Variants in CSMD1 observed in about 807,000 individuals in gnomAD.
The protein encoded by CSMD1 is CUB and sushi domain-containing protein 1.
CSMD1 carries 213 observed loss-of-function variants against 417.5 expected under a neutral mutation model. The observed-to-expected ratio is 0.51, with a 90% CI of 0.46 to 0.57. The LOEUF (loss-of-function observed/expected upper bound fraction) is 0.57. Ranked by LOEUF, CSMD1 falls within the 20% of genes least tolerant of loss-of-function variation. The pLI is 0.00. For synonymous variants in CSMD1, 2,862 were observed against 1,736.8 expected, an observed-to-expected ratio of 1.65 and a Z score of -16.11; for missense variants, 6,923 against 4,529.7, an observed-to-expected ratio of 1.53 and a Z score of -15.17.
intron 7 of CSMD1, among the ~76,000 whole-genome samples, chr8:3,677,302 T>G (rs931967972): frequency 6.6e-6 from 1 of 152,186 alleles, no homozygotes; most frequent in Non-Finnish European, 1.5e-5. Context: ...TAATGATTGA[T>G]GTAACAAAAT....
intron 3 of CSMD1, among the ~76,000 whole-genome samples, chr8:4,192,485 C>G (rs1799086671): frequency 6.6e-6 from 1 of 152,046 alleles, no homozygotes; most frequent in African/African-American, 2.4e-5. Flanking sequence ...ATGTTGACCA[C>G]CACATAAACT....
At chr8:3,237,451 C>T (rs1799218463) in intron 26 of CSMD1, among the ~76,000 whole-genome samples, 1 of 150,166 alleles carries the variant, frequency 6.7e-6, no homozygotes, top group Admixed American at 6.7e-5. Context: ...GGCGAGACTC[C>T]ATCTCAAAAC....
chr8:3,254,862 C>G (rs907512559), intron 26 of CSMD1, among the ~76,000 whole-genome samples: 1 of 152,178 alleles, frequency 6.6e-6, no homozygotes, highest in Non-Finnish European at 1.5e-5. Context: ...AAGCCTTCTT[C>G]TCTCAACTTG....
Position 3,205,554 on chromosome 8 carries a change from T to A in CSMD1, c.4934A>T (p.Tyr1645Phe). The A allele has an allele frequency of 6.2e-7, 1 of 1,603,444 alleles. No homozygotes were observed. The highest frequency in any genetic ancestry group is 1.1e-5 in the South Asian group (1 of 89,052). The change falls in exon 31 of 70, where the codon TAC (tyrosine) becomes TTC (phenylalanine). Residue 1645 changes from tyrosine to phenylalanine, a missense_variant. Transcript: ENST00000635120. ...VVLSPNYPHN[Y>F]TAGQICLYSI... Reference sequence around the variant, plus strand: ...ATAGAGGCATATTTGACCAGCTGTGTAATTATGGGGGTAGTTTGGTGATAA... The same window carrying A: ...ATAGAGGCATATTTGACCAGCTGTGAAATTATGGGGGTAGTTTGGTGATAA...
intron 1 of CSMD1, among the ~76,000 whole-genome samples, chr8:4,812,985 C>G (rs920898577): frequency 2.6e-5 from 4 of 152,116 alleles, no homozygotes; most frequent in African/African-American, 4.8e-5. Flanking sequence ...ATAGTCTTGC[C>G]CTTATTTATC....
intron 2 of CSMD1, among the ~76,000 whole-genome samples, chr8:4,573,144 C>G (rs951310808): frequency 6.6e-6 from 1 of 152,158 alleles, no homozygotes; most frequent in Admixed American, 6.5e-5. Flanking sequence ...CATTCCCTGT[C>G]CCGTTGTGTT....
At chr8:2,989,346 T>TAAAAC (rs1221542475) in intron 54 of CSMD1, among the ~76,000 whole-genome samples, 13 of 151,974 alleles carry the variant, frequency 8.6e-5, no homozygotes, top group Admixed American at 3.3e-4. Context: ...AGTTCTGAAA[T>TAAAAC]AAAACAAAAC....
chr8:3,885,941 A>G (rs563810116), intron 5 of CSMD1, among the ~76,000 whole-genome samples: 8 of 152,138 alleles, frequency 5.3e-5, no homozygotes, highest in Admixed American at 2.0e-4. Context: ...TTAAAAGTTG[A>G]TAAGTTATGG....
At chr8:4,173,164 G>A (rs980944091) in intron 3 of CSMD1, among the ~76,000 whole-genome samples, 4 of 152,268 alleles carry the variant, frequency 2.6e-5, no homozygotes, top group Admixed American at 1.3e-4. Flanking sequence ...GATTATAATA[G>A]CGCATAAAAA....
intron 3 of CSMD1, among the ~76,000 whole-genome samples, chr8:4,069,974 C>G (rs971555075): frequency 6.6e-6 from 1 of 151,834 alleles, no homozygotes; most frequent in African/African-American, 2.4e-5. Context: ...TTTTGTTTTT[C>G]TGTTCTTTCC....
At position 3,362,649 on chromosome 8, in the gene CSMD1, G is replaced by A. The variant is rs528601569; in HGVS notation, c.3116-3309C>T. Among the ~76,000 whole-genome samples the A allele has an allele frequency of 2.0e-5, 3 of 152,158 alleles. No individual in the cohort carries two copies. In the East Asian group the frequency reaches 5.8e-4, roughly 29 times the overall value. On this transcript the variant is annotated intron_variant, in intron 20 of 69. Coordinates refer to ENST00000635120, the MANE Select transcript of CSMD1 (RefSeq NM_033225.6). ...CTGAAGACTCTTGTCAATCACTCTT[G>A]AATACATCCCTCAATATCCCCAGGA...
chr8:4,229,710 C>G (rs1700053), intron 3 of CSMD1, among the ~76,000 whole-genome samples: 5,145 of 152,216 alleles, frequency 0.034, 86 homozygotes, highest in Middle Eastern at 0.099. Flanking sequence ...GCCCCTTCCT[C>G]TTGCTTGACC....
At chr8:3,285,115 C>G (rs13281598) in intron 25 of CSMD1, among the ~76,000 whole-genome samples, 74,231 of 151,914 alleles carry the variant, frequency 0.49, 19,336 homozygotes, top group South Asian at 0.61. Flanking sequence ...CTGAATGGGT[C>G]TGATTTACAG....
chr8:3,051,151 T>C (rs956310806), intron 50 of CSMD1, among the ~76,000 whole-genome samples: 2 of 152,230 alleles, frequency 1.3e-5, no homozygotes, highest in Non-Finnish European at 2.9e-5. Flanking sequence ...TGCACATGTA[T>C]GTTCACTGCA....
In CSMD1 at chr8:4,900,916, T is replaced by C. The variant is rs184542231; in HGVS notation, c.85+93416A>G. 3.5e-4 allele frequency among the ~76,000 whole-genome samples: 54 copies of C among 152,314 alleles called. No individual in the cohort carries two copies. The East Asian group carries it at 9.1e-3, about 26-fold the overall frequency. On this transcript the variant is annotated intron_variant, in intron 1 of 69. Transcript: ENST00000635120. ...GCAGGTGCACCACTAGTTACTTCTC[T>C]CCCTTGCATCCTAAGTGCCCAGCAC...
At chr8:3,189,131 G>C (rs771642380) in intron 34 of CSMD1, 120 bp from the exon 35 acceptor site, 1 of 872,844 alleles carries the variant, frequency 1.1e-6, no homozygotes, top group Non-Finnish European at 1.7e-6. Flanking sequence ...ACAATGATAC[G>C]TTAAACGGCA....
chr8:4,368,405 C>A (rs922457490), intron 3 of CSMD1, among the ~76,000 whole-genome samples: 3 of 151,982 alleles, frequency 2.0e-5, no homozygotes, highest in African/African-American at 4.8e-5. Context: ...TTTCTACGTT[C>A]ATCAGGAATA....
intron 2 of CSMD1, among the ~76,000 whole-genome samples, chr8:4,422,276 G>A (rs1419825507): frequency 2.6e-5 from 4 of 152,014 alleles, no homozygotes; most frequent in East Asian, 1.9e-4. Flanking sequence ...GAATGCTTTT[G>A]TAGTAATTTT....
At chr8:3,134,376 C>T (rs1186936542) in intron 41 of CSMD1, among the ~76,000 whole-genome samples, 1 of 152,118 alleles carries the variant, frequency 6.6e-6, no homozygotes, top group Non-Finnish European at 1.5e-5. Flanking sequence ...ACAGGCAGCA[C>T]CTGCATCCAA....
Sources: gnomAD v4.1 joint callset for allele counts (sites outside exome capture counted in the v4.1 genomes callset) on GRCh38, gnomAD v4.1.1 for gene constraint, MANE v1.5 for transcripts, NCBI Gene and HGNC (gene_info 2026-07-23, HGNC 2026-07-21) for gene names.